The following DSE variants were observed in gnomAD, a reference collection of about 807,000 sequenced individuals.
DSE encodes dermatan-sulfate epimerase.
Under a neutral mutation model 84.4 loss-of-function variants are expected in DSE, and 36 were observed. The ratio of observed to expected loss-of-function variants is 0.43; its 90% confidence interval spans 0.33 to 0.56. DSE has a LOEUF of 0.56. Among genes scored for constraint, DSE ranks in the 20% least tolerant of loss-of-function variants. The pLI, the probability that DSE is intolerant of heterozygous loss-of-function variation, is 0.06. For missense variants in DSE, 862 were observed against 1,169.6 expected, an observed-to-expected ratio of 0.74 and a Z score of 3.84; for synonymous variants, 410 against 430.1, an observed-to-expected ratio of 0.95 and a Z score of 0.58.
chr6:116,370,432 G>T (rs564557224), upstream of DSE: 22 of 986,602 alleles, frequency 2.2e-5, no homozygotes, highest in Admixed American at 1.2e-4. Context: ...GAGTAAAACC[G>T]AATTCGAGAG....
rs1459917713 is a variant in DSE, at chr6:116,288,671, A to G, written c.-54+29704A>G. Among the ~76,000 whole-genome samples, 3 of 152,286 alleles carry G rather than the reference A, an allele frequency of 2.0e-5. No homozygotes were observed. In the East Asian group the frequency reaches 5.8e-4, roughly 29 times the overall value. On this transcript the variant is annotated intron_variant, in intron 2 of 3. Coordinates refer to the DSE transcript ENST00000430252. The stretch of plus-strand genomic sequence containing the variant: ...TAAAATGAAGTAAAGTAAAAAATTC[A>G]GTTCATCAGTCACACTAATTACATT...
intron 2 of DSE, among the ~76,000 whole-genome samples, chr6:116,320,106 T>G (rs565913008): frequency 1.8e-4 from 27 of 152,274 alleles, no homozygotes; most frequent in African/African-American, 6.5e-4. Flanking sequence ...TGGCCAAATA[T>G]GGGTTTTAGA....
chr6:116,324,303 C>T (rs62423853), intron 2 of DSE, among the ~76,000 whole-genome samples: 30,215 of 152,142 alleles, frequency 0.2, 3,293 homozygotes, highest in East Asian at 0.29. Flanking sequence ...ATATATACAA[C>T]AGCAGGCAAG....
chr6:116,406,285 G>A (rs1781925433), intron 2 of DSE, among the ~76,000 whole-genome samples: 1 of 152,126 alleles, frequency 6.6e-6, no homozygotes, highest in Admixed American at 6.5e-5. Context: ...CTCTTTAATT[G>A]GGGTATAAAT....
intron 2 of DSE, among the ~76,000 whole-genome samples, chr6:116,327,689 C>T (rs548915019): frequency 7.2e-5 from 11 of 152,218 alleles, no homozygotes; most frequent in East Asian, 5.8e-4. Flanking sequence ...TGTTTGTTTC[C>T]GGTGAGCCCA....
chr6:116,400,614 A>T (rs1291666812), intron 2 of DSE: 2 of 152,224 alleles, frequency 1.3e-5, no homozygotes, highest in Admixed American at 1.3e-4. Flanking sequence ...TTTGTAATGA[A>T]AAGTATTATG....
chr6:116,407,972 C>T (rs1782042572), intron 2 of DSE, among the ~76,000 whole-genome samples: 1 of 152,188 alleles, frequency 6.6e-6, no homozygotes, highest in Non-Finnish European at 1.5e-5. Flanking sequence ...CAGATCAGCC[C>T]TGAGCTGGCC....
chr6:116,337,595 G>C (rs951296491), intron 2 of DSE, among the ~76,000 whole-genome samples: 1 of 152,234 alleles, frequency 6.6e-6, no homozygotes, highest in South Asian at 2.1e-4. Flanking sequence ...CTGGGTGACA[G>C]AGCAAGACTC....
At chr6:116,325,262 T>G (rs941815435) in intron 2 of DSE, among the ~76,000 whole-genome samples, 7 of 152,224 alleles carry the variant, frequency 4.6e-5, no homozygotes, top group Non-Finnish European at 8.8e-5. Context: ...AGACCTCACT[T>G]TCAGATGTTT....
intron 2 of DSE, among the ~76,000 whole-genome samples, chr6:116,328,622 G>T (rs141800899): frequency 1.3e-5 from 2 of 152,130 alleles, no homozygotes; most frequent in Non-Finnish European, 2.9e-5. Context: ...AAAAAATGAC[G>T]CACATTGTAA....
intron 2 of DSE, among the ~76,000 whole-genome samples, chr6:116,274,511 G>A (rs193051594): frequency 8.6e-4 from 130 of 151,914 alleles, no homozygotes; most frequent in African/African-American, 2.9e-3. Context: ...TGCGGTGAGC[G>A]GAAGCTTGCC....
chr6:116,298,858 C>T (rs1375111037), intron 2 of DSE, among the ~76,000 whole-genome samples: 1 of 152,186 alleles, frequency 6.6e-6, no homozygotes, highest in Non-Finnish European at 1.5e-5. Context: ...CTCTTCTACA[C>T]TAGCCATTCA....
Position 116,398,492 on chromosome 6 carries a change from G to C in DSE, c.-53-706G>C, listed in dbSNP as rs151193677. The stretch of plus-strand genomic sequence containing the variant: ...TGTTATTTCAGCCTTTTAATTCTGG[G>C]ATTTTATTCTCTGAATGAAGGCATG... On this transcript the variant is annotated intron_variant, in intron 1 of 5. Transcript: ENST00000644252. Among the ~76,000 whole-genome samples the C allele has an allele frequency of 4.3e-3, 649 of 152,280 alleles. 7 individuals are homozygous for C. Among genetic ancestry groups the C allele is most frequent in the African/African-American group, 0.015 (620 of 41,560 alleles).
At chr6:116,307,498 T>C (rs1008371264) in intron 2 of DSE, among the ~76,000 whole-genome samples, 2 of 152,218 alleles carry the variant, frequency 1.3e-5, no homozygotes, top group African/African-American at 4.8e-5. Flanking sequence ...ACATTTTATA[T>C]GGATATGAAC....
At chr6:116,381,566 T>C (rs181704770) in intron 1 of DSE, among the ~76,000 whole-genome samples, 200 of 152,340 alleles carry the variant, frequency 1.3e-3, no homozygotes, top group East Asian at 1.5e-3. Context: ...TTAATTGTTC[T>C]GTGCCTCAGG....
At chr6:116,288,180 T>C (rs1033905206) in intron 2 of DSE, 53 of 152,208 alleles carry the variant, frequency 3.5e-4, no homozygotes, top group African/African-American at 1.3e-3. Context: ...GAGCTAGTCA[T>C]CTTTCTGAGC....
intron 2 of DSE, among the ~76,000 whole-genome samples, chr6:116,280,501 G>A (rs1261081996): frequency 6.6e-6 from 1 of 152,170 alleles, no homozygotes; most frequent in Non-Finnish European, 1.5e-5. Context: ...GCATAGTATC[G>A]GTAGAAATTA....
At chr6:116,286,529 TAA>T (rs1773917506) in intron 2 of DSE, among the ~76,000 whole-genome samples, 1 of 152,192 alleles carries the variant, frequency 6.6e-6, no homozygotes, top group Non-Finnish European at 1.5e-5. Flanking sequence ...AGATATCTTC[TAA>T]AAGAGTCTTT....
At chr6:116,323,624 A>C (rs891573618) in intron 2 of DSE, among the ~76,000 whole-genome samples, 1 of 152,204 alleles carries the variant, frequency 6.6e-6, no homozygotes, top group African/African-American at 2.4e-5. Flanking sequence ...ATGGAATTTC[A>C]TGTCATTTGA....
Sources: gnomAD v4.1 joint callset for allele counts (sites outside exome capture counted in the v4.1 genomes callset) on GRCh38, gnomAD v4.1.1 for gene constraint, MANE v1.5 for transcripts, NCBI Gene and HGNC (gene_info 2026-07-23, HGNC 2026-07-21) for gene names.